HEPHL1: variants seen among roughly 807,000 people sequenced by gnomAD.
HEPHL1 encodes the protein hephaestin like 1, also known as ferroxidase HEPHL1.
In HEPHL1, 123 loss-of-function variants were observed where a neutral mutation model predicts 122.0. That is an observed-to-expected ratio of 1.01 (90% CI 0.87 to 1.17). HEPHL1 has a LOEUF of 1.17. HEPHL1 is among the 50% of genes most tolerant of loss of function. The probability of loss-of-function intolerance (pLI) is 0.00; values close to 1 mark genes in which losing one functional copy is unlikely to be tolerated. For missense variants in HEPHL1, 1,452 were observed against 1,430.5 expected (o/e 1.01, Z -0.24); for synonymous variants, 527 against 508.9 (o/e 1.04, Z -0.48).
chr11:94,093,971 G>GATAGATAGAT (rs71036310), intron 13 of HEPHL1, among the ~76,000 whole-genome samples: 47 of 72,730 alleles, frequency 6.5e-4, no homozygotes, highest in South Asian at 1.2e-3. Flanking sequence ...TCCTCCAGCA[G>GATAGATAGAT]ATATATATAT....
At chr11:94,092,803 A>T (rs1946272202) in intron 12 of HEPHL1, among the ~76,000 whole-genome samples, 1 of 152,198 alleles carries the variant, frequency 6.6e-6, no homozygotes. Flanking sequence ...AAACAAGGTT[A>T]TATATTGATC....
At chr11:94,098,802 A>C (rs1946341866) in intron 13 of HEPHL1, among the ~76,000 whole-genome samples, 1 of 152,232 alleles carries the variant, frequency 6.6e-6, no homozygotes. Context: ...CAGTTGATCG[A>C]ATCGGCTACT....
rs758778713 is a variant in HEPHL1, at chr11:94,093,556, A to G, written c.2350A>G (p.Lys784Glu). 2 of 1,613,772 alleles carry G rather than the reference A, an allele frequency of 1.2e-6. No individual in the cohort carries two copies. The highest frequency in any genetic ancestry group is 2.2e-5 in the South Asian group (2 of 91,074). The change falls in exon 13 of 20, where the codon AAG (lysine) becomes GAG (glutamate). Residue 784 changes from lysine to glutamate, a missense_variant. Coordinates refer to ENST00000315765, the MANE Select transcript of HEPHL1 (RefSeq NM_001098672.2). Reference sequence around the variant, plus strand: ...AAATTGGATTGGCTCTCAGTACAAGAAGGTGGTTTACAGGGAATATACGGA... The same window carrying G: ...AAATTGGATTGGCTCTCAGTACAAGGAGGTGGTTTACAGGGAATATACGGA... ...TENWIGSQYKKVVYREYTDGE... is the reference protein window; with the variant it reads ...TENWIGSQYKEVVYREYTDGE...
intron 6 of HEPHL1, 68 bp downstream of exon 6, chr11:94,070,610 T>C (rs1317203614): frequency 7.7e-6 from 10 of 1,297,722 alleles, no homozygotes; most frequent in Non-Finnish European, 9.7e-6. Flanking sequence ...TTCTCTGTGA[T>C]CTAATTTGTA....
At chr11:94,057,004 T>C (rs1945943263) in intron 2 of HEPHL1, among the ~76,000 whole-genome samples, 1 of 152,132 alleles carries the variant, frequency 6.6e-6, no homozygotes, top group Non-Finnish European at 1.5e-5. Context: ...GCCTTTAGTT[T>C]TGAGGGATCG....
In HEPHL1 at chr11:94,063,602, A is replaced by G; in HGVS notation, c.510A>G (p.Glu170=). 6.2e-7 allele frequency: 1 copy of G among 1,613,842 alleles called. No individual in the cohort carries two copies. Among genetic ancestry groups the G allele is most frequent in the African/African-American group, 1.3e-5 (1 of 75,022 alleles). Residue 170 remains glutamate, a synonymous_variant, in exon 3 of 20, where the codon GAA becomes GAG. Transcript: ENST00000315765. Reference sequence around the variant, plus strand: ...ACACCTACGTCTGGCCGGTGAGAGAAGAATATGCACCTACTCCAGCCGATG... The same window carrying G: ...ACACCTACGTCTGGCCGGTGAGAGAGGAATATGCACCTACTCCAGCCGATG... ...KNYTYVWPVR[E]EYAPTPADAN...
In HEPHL1 at chr11:94,070,827, G is replaced by A. The variant is rs563086908; in HGVS notation, c.1232+285G>A. Among the ~76,000 whole-genome samples the A allele has an allele frequency of 1.7e-4, 26 of 152,154 alleles. No individual in the cohort carries two copies. In the South Asian group the frequency reaches 5.4e-3, roughly 32 times the overall value. On this transcript the variant is annotated intron_variant, in intron 6 of 19. Transcript: ENST00000315765. ...CTATGTGCAAACTATAGTGCAAAGT[G>A]CCATTAGAAATACTAAGCTGACAAA...
At chr11:94,037,961 G>A (rs1243910619) in intron 1 of HEPHL1, among the ~76,000 whole-genome samples, 1 of 149,436 alleles carries the variant, frequency 6.7e-6, no homozygotes, top group African/African-American at 2.5e-5. Flanking sequence ...CAAAGAAGTT[G>A]AAAACTTTGA....
chr11:94,093,552 C>T lies in HEPHL1; in HGVS notation c.2346C>T (p.Tyr782=), dbSNP rs1329040403. Residue 782 remains tyrosine (Y), a synonymous_variant, in exon 13 of 20, where the codon TAC becomes TAT. Transcript: ENST00000315765. The part of the protein sequence containing the change: ...NRTENWIGSQ[Y]KKVVYREYTD... ...CTGAAAATTGGATTGGCTCTCAGTA[C>T]AAGAAGGTGGTTTACAGGGAATATA... 1.2e-6 allele frequency: 2 copies of T among 1,613,510 alleles called. No homozygotes were observed. The highest frequency in any genetic ancestry group is 1.3e-5 in the African/African-American group (1 of 74,840).
intron 17 of HEPHL1, among the ~76,000 whole-genome samples, chr11:94,109,890 A>G (rs183678875): frequency 6.6e-6 from 1 of 152,316 alleles, no homozygotes; most frequent in Non-Finnish European, 1.5e-5. Flanking sequence ...TTTCCAGAAC[A>G]GTTTGTTTAC....
At position 94,026,900 on chromosome 11, in the gene HEPHL1, G is replaced by C. The variant is rs77296207; in HGVS notation, c.170+5362G>C. Among the ~76,000 whole-genome samples the C allele has an allele frequency of 9.1e-3, 1,386 of 152,300 alleles. 21 individuals are homozygous for C. The highest frequency in any genetic ancestry group is 0.031 in the African/African-American group (1,308 of 41,572). ...TTCTCATCAGTAAAATAGGGATAGT[G>C]ACAGTACTTGCTTTGAGGGTGTATC... On this transcript the variant is annotated intron_variant, in intron 1 of 19. Transcript: ENST00000315765.
Position 94,093,612 on chromosome 11 carries a change from A to G in HEPHL1, c.2406A>G (p.Pro802=). 1.9e-6 allele frequency: 3 copies of G among 1,613,662 alleles called. No individual in the cohort carries two copies. Among genetic ancestry groups the G allele is most frequent in the South Asian group, 2.2e-5 (2 of 91,038 alleles). ...DGEFVEIKAR[P]PREEHLELLG... is the part of the protein sequence containing the mutation. ...AATTTGTGGAGATCAAAGCCCGACC[A>G]CCACGAGAGGAGCACTTAGAACTCC... The change falls in exon 13 of 20, where the codon CCA becomes CCG. Residue 802 remains proline, a synonymous_variant. Coordinates refer to ENST00000315765, the MANE Select transcript of HEPHL1 (RefSeq NM_001098672.2).
chr11:94,049,557 C>T (rs1406189957), intron 2 of HEPHL1, among the ~76,000 whole-genome samples: 2 of 149,248 alleles, frequency 1.3e-5, no homozygotes, highest in Admixed American at 6.8e-5. Context: ...CACTGACTCC[C>T]AGGTGCCAGA....
chr11:94,033,529 T>C (rs1301703013), intron 1 of HEPHL1, among the ~76,000 whole-genome samples: 1 of 151,654 alleles, frequency 6.6e-6, no homozygotes, highest in Non-Finnish European at 1.5e-5. Flanking sequence ...GTGTGGATCA[T>C]GGTGTTCTTC....
intron 13 of HEPHL1, among the ~76,000 whole-genome samples, chr11:94,099,471 TGAG>T (rs1946349402): frequency 6.6e-6 from 1 of 152,194 alleles, no homozygotes; most frequent in African/African-American, 2.4e-5. Flanking sequence ...GGGACCCACT[TGAG>T]GAGGCAGTCT....
chr11:94,088,962 G>A lies in HEPHL1; in HGVS notation c.2288G>A (p.Gly763Glu), dbSNP rs772244521. The A allele has an allele frequency of 3.1e-6, 5 of 1,613,952 alleles. No individual in the cohort carries two copies. Among genetic ancestry groups the A allele is most frequent in the South Asian group, 2.2e-5 (2 of 91,084 alleles). The change falls in exon 12 of 20, where the codon GGG (glycine) becomes GAG (glutamate). Residue 763 changes from glycine (G) to glutamate (E), a missense_variant. Transcript: ENST00000315765. ...GAAAAGCAGCACGTGGACGCAAGAG[G>A]GGAAAGGTACCACAGGCGCCGCCGC... ...EFEKQHVDAR[G>E]ERHGDIFMNR...
chr11:94,043,438 G>A lies in HEPHL1; in HGVS notation c.171-2235G>A, dbSNP rs143695116. 1.3e-3 allele frequency among the ~76,000 whole-genome samples: 193 copies of A among 152,226 alleles called. 1 individual carries two copies. The highest frequency in any genetic ancestry group is 4.5e-3 in the African/African-American group (189 of 41,542). Reference sequence around the variant, plus strand: ...CATGGTGGCCCAGGGTAGGCTGGCTGGGGGATGAATGATATCAATTGGCCA... The same window carrying A: ...CATGGTGGCCCAGGGTAGGCTGGCTAGGGGATGAATGATATCAATTGGCCA... On this transcript the variant is annotated intron_variant, in intron 1 of 19. Transcript: ENST00000315765.
intron 16 of HEPHL1, 117 bp from the exon 17 acceptor site, chr11:94,105,874 G>T: frequency 4.9e-6 from 3 of 615,934 alleles, no homozygotes; most frequent in Non-Finnish European, 7.8e-6. Flanking sequence ...GAGTGAGATT[G>T]TTGCATGTTT....
chr11:94,028,028 C>A (rs1259523773), intron 1 of HEPHL1, among the ~76,000 whole-genome samples: 2 of 152,090 alleles, frequency 1.3e-5, no homozygotes, highest in African/African-American at 2.4e-5. Context: ...TATTTCTTGT[C>A]CTTATTGTGA....
Sources: gnomAD v4.1 joint callset for allele counts (sites outside exome capture counted in the v4.1 genomes callset) on GRCh38, gnomAD v4.1.1 for gene constraint, MANE v1.5 for transcripts, NCBI Gene and HGNC (gene_info 2026-07-23, HGNC 2026-07-21) for gene names.